The following SYT12 variants were observed in gnomAD, a reference collection of about 807,000 sequenced individuals.
The protein encoded by SYT12 is synaptotagmin 12.
Under a neutral mutation model 39.5 loss-of-function variants are expected in SYT12, and 27 were observed. The ratio of observed to expected loss-of-function variants is 0.68; its 90% CI spans 0.50 to 0.94. The LOEUF (loss-of-function observed/expected upper bound fraction) is 0.94, where lower values mean the gene tolerates loss of function less well. SYT12 is among the 40% of genes least tolerant of loss of function. The probability of loss-of-function intolerance (pLI) is 0.00; values close to 1 mark genes in which losing one functional copy is unlikely to be tolerated. For synonymous variants in SYT12, 233 were observed against 239.7 expected (o/e 0.97, Z 0.26); for missense variants, 536 against 572.6 (o/e 0.94, Z 0.65).
At chr11:67,043,903 C>T (rs1362884373) in intron 5 of SYT12, 50 bp downstream of exon 5, 1 of 1,549,470 alleles carries the variant, frequency 6.5e-7, no homozygotes, top group Admixed American at 1.7e-5. Context: ...CACACACATA[C>T]ACTTCCAGGA....
rs1302109001 is a variant in SYT12, at chr11:67,045,938, T to C, written c.1092+61T>C. On this transcript the variant is annotated intron_variant, in intron 7 of 7. Coordinates refer to ENST00000527043, the MANE Select transcript of SYT12 (RefSeq NM_177963.4). ...ACCCCAGGGCTCTGGGGCTGCCGCA[T>C]CTCTCCACCTTCTCTTCTCAGGGCC... is the stretch of plus-strand genomic sequence containing the variant. 5 of 1,599,224 alleles carry C rather than the reference T, an allele frequency of 3.1e-6. No individual in the cohort carries two copies. The East Asian group carries it at 1.1e-4, about 36-fold the overall frequency.
chr11:67,040,136 C>T lies in SYT12; in HGVS notation c.554C>T (p.Ala185Val). 1 of 1,610,602 alleles carries T rather than the reference C, an allele frequency of 6.2e-7. No homozygotes were observed. Among genetic ancestry groups the T allele is most frequent in the East Asian group, 2.2e-5 (1 of 44,808 alleles). The change falls in exon 4 of 8, where the codon GCC becomes GTC. Residue 185 changes from alanine to valine, a missense_variant. By Grantham distance (64) the Ala-to-Val change is moderately conservative (BLOSUM62 0). Coordinates refer to ENST00000527043, the MANE Select transcript of SYT12 (RefSeq NM_177963.4). Reference protein sequence around the residue: ...QGKDLLEREEASFESCFMRVS... With the variant: ...QGKDLLEREEVSFESCFMRVS... ...AAGGACCTCCTGGAGCGGGAGGAGG[C>T]CAGCTTCGAGTCCTGCTTCATGCGC...
At chr11:67,015,782 C>T (rs1001072464) in intron 3 of SYT12, among the ~76,000 whole-genome samples, 9 of 152,120 alleles carry the variant, frequency 5.9e-5, no homozygotes, top group South Asian at 4.2e-4. Flanking sequence ...CTGGGATCTT[C>T]GTAAAGCTCC....
At chr11:67,021,929 C>T (rs1446237265), upstream of SYT12, 1 of 150,310 alleles carries the variant, frequency 6.7e-6, no homozygotes, top group Admixed American at 6.6e-5. Flanking sequence ...ATGCAGCTCT[C>T]TTTCTTTTTT....
rs768166342 is a variant in SYT12 at position 67,030,197 on chromosome 11, C to A, written c.34+19C>A. The A allele has an allele frequency of 1.2e-6, 2 of 1,613,948 alleles. No homozygotes were observed. The highest frequency in any genetic ancestry group is 1.7e-6 in the Non-Finnish European group (2 of 1,179,986). ...CTGAGCGGTGAGTGCCCAGGGCAAA[C>A]CCCTCCTGGATCACGCCTGCGAGAC... On this transcript the variant is annotated intron_variant, in intron 2 of 7. Transcript: ENST00000527043.
chr11:67,042,016 C>T (rs1020894043), intron 4 of SYT12, among the ~76,000 whole-genome samples: 16 of 152,212 alleles, frequency 1.1e-4, no homozygotes, highest in Admixed American at 3.9e-4. Flanking sequence ...GAGCAGAGTG[C>T]GAGGAGGGCG....
rs145423474 is a variant in SYT12, at chr11:67,043,668, G to A, written c.652G>A (p.Asp218Asn). The A allele has an allele frequency of 6.2e-7, 1 of 1,614,114 alleles. No homozygotes were observed. The highest frequency in any genetic ancestry group is 1.7e-5 in the Admixed American group (1 of 60,014). Residue 218 changes from aspartate to asparagine, a missense_variant, in exon 5 of 8, where the codon GAT becomes AAT. Coordinates refer to ENST00000527043, the MANE Select transcript of SYT12 (RefSeq NM_177963.4). The part of the protein sequence containing the change: ...IQRNAYSIFF[D>N]EKFSIPLDPT... Reference sequence around the variant, plus strand: ...GAGAAATGCCTACTCCATCTTCTTTGATGAGAAGTTCTCCATCCCCCTGGA... The same window carrying A: ...GAGAAATGCCTACTCCATCTTCTTTAATGAGAAGTTCTCCATCCCCCTGGA...
At chr11:67,042,946 T>A (rs1280686449) in intron 4 of SYT12, among the ~76,000 whole-genome samples, 1 of 151,984 alleles carries the variant, frequency 6.6e-6, no homozygotes, top group Non-Finnish European at 1.5e-5. Context: ...CACCAGGGGG[T>A]GCTGCCCCCA....
chr11:67,045,327 C>T (rs1729319398), intron 6 of SYT12, among the ~76,000 whole-genome samples: 1 of 152,078 alleles, frequency 6.6e-6, no homozygotes, highest in African/African-American at 2.4e-5. Flanking sequence ...GGCAAGGACA[C>T]CCCGTGGGCA....
At chr11:67,008,736 G>T (rs1023453787) in intron 1 of SYT12, among the ~76,000 whole-genome samples, 1 of 151,992 alleles carries the variant, frequency 6.6e-6, no homozygotes, top group Non-Finnish European at 1.5e-5. Flanking sequence ...TTTTTGTAGA[G>T]ACGGGGTTTC....
At chr11:67,031,164 C>T (rs1003762334) in intron 2 of SYT12, 5 of 152,302 alleles carry the variant, frequency 3.3e-5, no homozygotes, top group Admixed American at 6.5e-5. Flanking sequence ...GTGGTGAAAC[C>T]GGAACTTCTA....
intron 1 of SYT12, among the ~76,000 whole-genome samples, chr11:67,025,272 T>C (rs1950165888): frequency 6.6e-6 from 1 of 152,230 alleles, no homozygotes; most frequent in Admixed American, 6.5e-5. Flanking sequence ...TATGTCCACA[T>C]GCATGTAGCA....
intron 1 of SYT12, among the ~76,000 whole-genome samples, chr11:67,025,512 G>A (rs1307103396): frequency 2.0e-5 from 3 of 152,082 alleles, no homozygotes; most frequent in Non-Finnish European, 4.4e-5. Context: ...TGGACACCGG[G>A]GATGCTCTGG....
At chr11:67,016,377 G>A (rs2136195838) in intron 3 of SYT12, among the ~76,000 whole-genome samples, 1 of 152,288 alleles carries the variant, frequency 6.6e-6, no homozygotes, top group Non-Finnish European at 1.5e-5. Flanking sequence ...GCTTGGAGCT[G>A]GGGCAGAGAG....
rs1261839420 is a variant in SYT12, at chr11:67,040,188, C to T, written c.606C>T (p.Ile202=). 6.3e-6 allele frequency: 10 copies of T among 1,577,624 alleles called. No homozygotes were observed. Among genetic ancestry groups the T allele is most frequent in the Non-Finnish European group, 3.5e-6 (4 of 1,158,406 alleles). The change falls in exon 4 of 8, where the codon ATC becomes ATT. Residue 202 remains isoleucine, a synonymous_variant. Transcript: ENST00000527043. ...MRVSLLPDEQ[I]VGISRIQRNA... ...TCAGCCTGCTGCCGGACGAGCAGAT[C>T]GTGGGCATTTCTCGGGTAAGTGGGG...
upstream of SYT12, among the ~76,000 whole-genome samples, chr11:67,020,711 C>G (rs1390004873): frequency 6.6e-6 from 1 of 152,170 alleles, no homozygotes; most frequent in South Asian, 2.1e-4. Context: ...GCTTCTGTTG[C>G]TCAGCAGTAC....
intron 2 of SYT12, chr11:67,031,208 T>G (rs1950260498): frequency 6.6e-6 from 1 of 152,320 alleles, no homozygotes; most frequent in Non-Finnish European, 1.5e-5. Flanking sequence ...AGATGAGGCT[T>G]GCCTCAGGGC....
chr11:67,030,576 G>C (rs750336275), intron 2 of SYT12: 33 of 186,770 alleles, frequency 1.8e-4, no homozygotes, highest in Non-Finnish European at 2.9e-4. Flanking sequence ...TTCATGGGGC[G>C]TTAAACTCAG....
intron 4 of SYT12, among the ~76,000 whole-genome samples, chr11:67,042,736 G>T (rs1239040750): frequency 6.6e-6 from 1 of 152,244 alleles, no homozygotes; most frequent in African/African-American, 2.4e-5. Flanking sequence ...AGGTCAGGAG[G>T]TCAGGAGGCC....
Sources: gnomAD v4.1 joint callset for allele counts (sites outside exome capture counted in the v4.1 genomes callset) on GRCh38, gnomAD v4.1.1 for gene constraint, MANE v1.5 for transcripts, NCBI Gene and HGNC (gene_info 2026-07-23, HGNC 2026-07-21) for gene names.